NECAB1: variants seen among roughly 807,000 people sequenced by gnomAD.
NECAB1 encodes N-terminal EF-hand calcium-binding protein 1.
In NECAB1, 29 loss-of-function variants were observed where a neutral mutation model predicts 57.5. That is an observed-to-expected ratio of 0.50 (90% CI 0.38 to 0.69). The LOEUF (loss-of-function observed/expected upper bound fraction) is 0.69. NECAB1 is among the 30% of genes least tolerant of loss of function. The pLI is 0.00. For missense variants in NECAB1, 372 were observed against 413.8 expected (o/e 0.90, Z 0.88); for synonymous variants, 142 against 147.7 (o/e 0.96, Z 0.28).
At chr8:90,861,761 C>T (rs1808390089) in intron 3 of NECAB1, among the ~76,000 whole-genome samples, 1 of 152,126 alleles carries the variant, frequency 6.6e-6, no homozygotes, top group Non-Finnish European at 1.5e-5. Context: ...TGAGGGAATT[C>T]TGGCTTAGAA....
intron 3 of NECAB1, among the ~76,000 whole-genome samples, chr8:90,837,263 G>T (rs1426688896): frequency 6.6e-6 from 1 of 152,130 alleles, no homozygotes; most frequent in Non-Finnish European, 1.5e-5. Context: ...TATCTGCCAG[G>T]GATAAGTTCC....
At chr8:90,931,330 C>T (rs936764062) in intron 8 of NECAB1, among the ~76,000 whole-genome samples, 3 of 152,104 alleles carry the variant, frequency 2.0e-5, no homozygotes, top group African/African-American at 7.2e-5. Flanking sequence ...CTGCTGAGTA[C>T]CTTGTCTCCT....
intron 8 of NECAB1, among the ~76,000 whole-genome samples, chr8:90,933,334 C>T (rs865998768): frequency 3.3e-5 from 5 of 152,070 alleles, no homozygotes; most frequent in African/African-American, 1.2e-4. Context: ...CCCAAATGCC[C>T]GCCAATCAAT....
At chr8:90,891,487 A>C (rs1456180640) in intron 5 of NECAB1, among the ~76,000 whole-genome samples, 2 of 151,914 alleles carry the variant, frequency 1.3e-5, no homozygotes, top group Non-Finnish European at 2.9e-5. Flanking sequence ...TATTTCTATG[A>C]ATTCTAGAGG....
intron 4 of NECAB1, among the ~76,000 whole-genome samples, chr8:90,878,531 C>T (rs1198443801): frequency 6.6e-6 from 1 of 152,164 alleles, no homozygotes; most frequent in Non-Finnish European, 1.5e-5. Context: ...GCCTTAGTGA[C>T]ACTGAGCTGC....
chr8:90,849,686 A>ATTTTTTTTTTTTT (rs34779201), intron 3 of NECAB1, among the ~76,000 whole-genome samples: 1 of 84,108 alleles, frequency 1.2e-5, no homozygotes, highest in Non-Finnish European at 2.3e-5. Context: ...GTTTCCAGTA[A>ATTTTTTTTTTTTT]TTTTTTTTTT....
intron 9 of NECAB1, among the ~76,000 whole-genome samples, chr8:90,934,729 T>A (rs1810491577): frequency 6.6e-6 from 1 of 152,110 alleles, no homozygotes; most frequent in Non-Finnish European, 1.5e-5. Flanking sequence ...CCTGGTTCTG[T>A]TCATTATTAT....
intron 2 of NECAB1, among the ~76,000 whole-genome samples, chr8:90,820,332 A>G (rs759114037): frequency 3.3e-5 from 5 of 151,908 alleles, no homozygotes; most frequent in Non-Finnish European, 7.4e-5. Context: ...TCATTTATAT[A>G]TTGTTAGTAA....
intron 5 of NECAB1, among the ~76,000 whole-genome samples, chr8:90,913,500 G>T (rs1586118127): frequency 1.3e-5 from 2 of 151,944 alleles, no homozygotes; most frequent in African/African-American, 4.8e-5. Flanking sequence ...TCTGAATAAT[G>T]AGTATAATCT....
intron 3 of NECAB1, among the ~76,000 whole-genome samples, chr8:90,851,189 C>G (rs563509181): frequency 3.2e-4 from 48 of 152,344 alleles, no homozygotes; most frequent in African/African-American, 1.1e-3. Context: ...CCACTGCCCT[C>G]AATACCTTGT....
In NECAB1 at chr8:90,952,185, GATTAACCA is replaced by G. The variant is rs1810934483; in HGVS notation, c.1030+986_1030+993del. ...AGGTGGATGTCATGGAGAGGAGAGAGATTAACCAATTAGGGCAATAATCTAGGCCAGGG... is the reference window on the plus strand; with the variant it reads ...AGGTGGATGTCATGGAGAGGAGAGAGATTAGGGCAATAATCTAGGCCAGGG... On this transcript the variant is annotated intron_variant, in intron 12 of 12. Transcript: ENST00000417640. Among the ~76,000 whole-genome samples, 3 of 149,730 alleles carry G rather than the reference GATTAACCA, an allele frequency of 2.0e-5. 1 individual carries two copies. The South Asian group carries it at 6.3e-4, about 31-fold the overall frequency.
intron 4 of NECAB1, among the ~76,000 whole-genome samples, chr8:90,876,149 G>C (rs1808723078): frequency 6.6e-6 from 1 of 152,168 alleles, no homozygotes; most frequent in Non-Finnish European, 1.5e-5. Context: ...GCAGAGATTG[G>C]CAGAGCCTGG....
At chr8:90,883,125 G>A (rs1808883394) in intron 5 of NECAB1, among the ~76,000 whole-genome samples, 1 of 152,084 alleles carries the variant, frequency 6.6e-6, no homozygotes, top group Non-Finnish European at 1.5e-5. Context: ...TTTAAATTGA[G>A]GTCAACCTGT....
At chr8:90,842,651 CA>C (rs1429976077) in intron 3 of NECAB1, among the ~76,000 whole-genome samples, 2 of 152,232 alleles carry the variant, frequency 1.3e-5, no homozygotes, top group East Asian at 3.8e-4. Flanking sequence ...TTTGTGACCA[CA>C]CTCAGAGACG....
At chr8:90,798,103 T>C (rs1811692415) in intron 1 of NECAB1, among the ~76,000 whole-genome samples, 1 of 152,188 alleles carries the variant, frequency 6.6e-6, no homozygotes, top group Non-Finnish European at 1.5e-5. Flanking sequence ...GTCAGTACTT[T>C]GGCATCCTTG....
intron 12 of NECAB1, among the ~76,000 whole-genome samples, chr8:90,954,287 T>C (rs973168166): frequency 2.0e-5 from 3 of 152,018 alleles, no homozygotes; most frequent in African/African-American, 7.2e-5. Context: ...AAGATACATC[T>C]AAAGTAATTA....
intron 6 of NECAB1, among the ~76,000 whole-genome samples, chr8:90,921,103 G>A (rs181767285): frequency 1.8e-3 from 273 of 152,242 alleles, no homozygotes; most frequent in Non-Finnish European, 2.6e-3. Flanking sequence ...TGCAACTTCC[G>A]CTTCCCGGGT....
chr8:90,879,049 T>C (rs1808783957), intron 4 of NECAB1, among the ~76,000 whole-genome samples: 2 of 142,520 alleles, frequency 1.4e-5, no homozygotes, highest in Non-Finnish European at 1.5e-5. Context: ...TTATTATTTA[T>C]ATAATATATA....
intron 3 of NECAB1, among the ~76,000 whole-genome samples, chr8:90,849,686 ATT>A (rs34779201): frequency 1.1e-3 from 94 of 84,116 alleles, no homozygotes; most frequent in African/African-American, 3.6e-3. Context: ...GTTTCCAGTA[ATT>A]TTTTTTTTTT....
Sources: gnomAD v4.1 joint callset for allele counts (sites outside exome capture counted in the v4.1 genomes callset) on GRCh38, gnomAD v4.1.1 for gene constraint, MANE v1.5 for transcripts, NCBI Gene and HGNC (gene_info 2026-07-23, HGNC 2026-07-21) for gene names.